AP3B1: variants seen among roughly 807,000 people sequenced by gnomAD.
The protein encoded by AP3B1 is AP-3 complex subunit beta-1.
Under a neutral mutation model 132.5 loss-of-function variants are expected in AP3B1, and 61 were observed. The observed-to-expected ratio is 0.46, with a 90% CI of 0.37 to 0.57. AP3B1 has a LOEUF of 0.57. Ranked by LOEUF, AP3B1 falls within the 20% of genes least tolerant of loss-of-function variation. The pLI, the probability that AP3B1 is intolerant of heterozygous loss-of-function variation, is 0.00. For synonymous variants in AP3B1, 388 were observed against 438.3 expected (o/e 0.89, Z 1.43); for missense variants, 1,120 against 1,289.4 (o/e 0.87, Z 2.01).
rs777107402 is a variant in AP3B1, at chr5:78,039,046, T to C, written c.2806A>G (p.Ile936Val). Residue 936 changes from isoleucine (I) to valine (V), a missense_variant, in exon 23 of 27, where the codon ATA becomes GTA. By Grantham distance (29) the Ile-to-Val change is conservative. Transcript: ENST00000255194. ...TTAAATGAGAATTAATATTTACCTA[T>C]TGGATTAAAAACATGCATTTTCATG... ...IGMKMHVFNP[I>V]DSLEPEGSIT... is the part of the protein sequence containing the mutation. The C allele has an allele frequency of 7.8e-6, 12 of 1,537,556 alleles. No individual in the cohort carries two copies. The highest frequency in any genetic ancestry group is 4.5e-5 in the East Asian group (2 of 44,456).
chr5:78,097,763 C>A (rs892136291), intron 21 of AP3B1, among the ~76,000 whole-genome samples: 1 of 152,106 alleles, frequency 6.6e-6, no homozygotes, highest in East Asian at 1.9e-4. Context: ...CGGCCACCAC[C>A]CCGTCTGGGA....
rs561262787 is a variant in AP3B1, at chr5:78,008,733, G to C, written c.3132-5678C>G. Among the ~76,000 whole-genome samples the C allele has an allele frequency of 3.3e-5, 5 of 152,248 alleles. No individual in the cohort carries two copies. The South Asian group carries it at 1.0e-3, about 32-fold the overall frequency. ...TTGTTTCTGTTTATACAATGAAGAA[G>C]GTTGACAGTAGTATCAGGGCTTATA... On this transcript the variant is annotated intron_variant, in intron 26 of 26. Transcript: ENST00000255194.
intron 11 of AP3B1, among the ~76,000 whole-genome samples, chr5:78,171,161 G>A (rs1433584447): frequency 2.6e-5 from 4 of 152,266 alleles, no homozygotes; most frequent in South Asian, 2.1e-4. Context: ...TTGAAGTCAG[G>A]CAGCGTGATG....
chr5:78,274,298 A>G (rs1272629206), intron 1 of AP3B1, among the ~76,000 whole-genome samples: 2 of 151,950 alleles, frequency 1.3e-5, no homozygotes, highest in Non-Finnish European at 2.9e-5. Flanking sequence ...GGAGAAAAAA[A>G]GGATTATCGA....
At chr5:78,147,273 A>G (rs1363875035) in intron 14 of AP3B1, among the ~76,000 whole-genome samples, 2 of 152,014 alleles carry the variant, frequency 1.3e-5, no homozygotes, top group African/African-American at 2.4e-5. Flanking sequence ...ATCTTGTTAA[A>G]TGCTTTTAAT....
intron 7 of AP3B1, among the ~76,000 whole-genome samples, chr5:78,198,351 G>A (rs1745154029): frequency 6.6e-6 from 1 of 152,120 alleles, no homozygotes; most frequent in African/African-American, 2.4e-5. Flanking sequence ...ATACCACAGG[G>A]TAGGTGCCTG....
At chr5:78,108,586 C>T (rs188509820) in intron 20 of AP3B1, among the ~76,000 whole-genome samples, 13 of 152,036 alleles carry the variant, frequency 8.6e-5, no homozygotes, top group Non-Finnish European at 1.6e-4. Flanking sequence ...ACAATGTGAG[C>T]GAAACCCGAA....
chr5:78,148,235 T>C (rs1753498264), intron 14 of AP3B1, among the ~76,000 whole-genome samples: 1 of 152,176 alleles, frequency 6.6e-6, no homozygotes, highest in Admixed American at 6.5e-5. Context: ...CTAGTACTTA[T>C]AATTGCCTCT....
chr5:78,070,409 GAAA>G (rs70997966), intron 22 of AP3B1, among the ~76,000 whole-genome samples: 1 of 131,364 alleles, frequency 7.6e-6, no homozygotes. Flanking sequence ...TCCATCTCAA[GAAA>G]AAAAAAAAAA....
intron 2 of AP3B1, among the ~76,000 whole-genome samples, chr5:78,245,988 A>AG (rs1747363952): frequency 6.6e-6 from 1 of 152,230 alleles, no homozygotes; most frequent in Non-Finnish European, 1.5e-5. Context: ...TTTAGGGAGC[A>AG]GCTGGGCAAA....
intron 15 of AP3B1, 80 bp downstream of exon 15, chr5:78,141,063 G>A: frequency 2.3e-6 from 3 of 1,327,494 alleles, no homozygotes; most frequent in Non-Finnish European, 3.3e-6. Context: ...TCAGACTAAT[G>A]AAGGCACAGA....
intron 2 of AP3B1, among the ~76,000 whole-genome samples, chr5:78,263,979 C>T (rs1166565831): frequency 6.6e-6 from 1 of 152,094 alleles, no homozygotes; most frequent in Non-Finnish European, 1.5e-5. Flanking sequence ...GTATTCAGTA[C>T]AGTAACATGC....
chr5:78,058,308 T>C (rs987193216), intron 22 of AP3B1, among the ~76,000 whole-genome samples: 13 of 152,200 alleles, frequency 8.5e-5, no homozygotes, highest in African/African-American at 2.9e-4. Flanking sequence ...GAGACCAGCC[T>C]GGCCAACATG....
intron 21 of AP3B1, among the ~76,000 whole-genome samples, chr5:78,092,789 A>C (rs754066152): frequency 5.3e-5 from 8 of 152,080 alleles, no homozygotes; most frequent in Non-Finnish European, 1.0e-4. Flanking sequence ...CTAGTATTAC[A>C]GGTGTATGCC....
intron 24 of AP3B1, among the ~76,000 whole-genome samples, chr5:78,028,787 C>CT (rs1473916324): frequency 6.6e-6 from 1 of 152,118 alleles, no homozygotes; most frequent in Non-Finnish European, 1.5e-5. Context: ...GAAAAATTCT[C>CT]TTTTTTAAGG....
Position 78,240,903 on chromosome 5 carries a change from A to G in AP3B1, c.238T>C (p.Phe80Leu). The G allele has an allele frequency of 6.2e-7, 1 of 1,613,388 alleles. No individual in the cohort carries two copies. The highest frequency in any genetic ancestry group is 2.2e-5 in the East Asian group (1 of 44,774). ...GCCACATTCTTCACAACAGCAGGAA[A>G]CAGTTCAGATGCATTTTTCCCTTTT... ...IAKGKNASEL[F>L]PAVVKNVASK... is the part of the protein sequence containing the mutation. The change falls in exon 3 of 27, where the codon TTT (phenylalanine) becomes CTT (leucine). Residue 80 changes from phenylalanine to leucine, a missense_variant. Transcript: ENST00000255194.
chr5:78,205,438 T>A (rs1287525134), intron 7 of AP3B1, among the ~76,000 whole-genome samples: 1 of 151,752 alleles, frequency 6.6e-6, no homozygotes, highest in Non-Finnish European at 1.5e-5. Context: ...TATACATATA[T>A]ATATACACAC....
intron 2 of AP3B1, among the ~76,000 whole-genome samples, chr5:78,258,781 G>C (rs1352278260): frequency 6.6e-6 from 1 of 152,168 alleles, no homozygotes; most frequent in Non-Finnish European, 1.5e-5. Context: ...GCTAAGATTT[G>C]GAAGCAACCT....
intron 12 of AP3B1, among the ~76,000 whole-genome samples, chr5:78,163,640 CAT>C (rs200184761): frequency 0.043 from 6,168 of 142,514 alleles, 190 homozygotes; most frequent in East Asian, 0.13. Flanking sequence ...ATATAGTATA[CAT>C]ATATATATAT....
Sources: gnomAD v4.1 joint callset for allele counts (sites outside exome capture counted in the v4.1 genomes callset) on GRCh38, gnomAD v4.1.1 for gene constraint, MANE v1.5 for transcripts, NCBI Gene and HGNC (gene_info 2026-07-23, HGNC 2026-07-21) for gene names.